DMP1: variants seen among roughly 807,000 people sequenced by gnomAD.
The protein encoded by DMP1 is dentin matrix protein 1.
In DMP1, 20 loss-of-function variants were observed where a neutral mutation model predicts 14.6. The observed-to-expected ratio is 1.37, with a 90% CI of 0.96 to 1.99. The LOEUF (loss-of-function observed/expected upper bound fraction) is 1.99, where lower values mean the gene tolerates loss of function less well. Among genes scored for constraint, DMP1 ranks in the 30% most tolerant of loss-of-function variants. DMP1 has a pLI of 0.00. For synonymous variants in DMP1, 197 were observed against 215.3 expected (o/e 0.91, Z 0.75); for missense variants, 567 against 620.5 (o/e 0.91, Z 0.92).
chr4:87,662,617 G>C lies in DMP1; in HGVS notation c.839G>C (p.Ser280Thr), dbSNP rs941952368. 6.2e-7 allele frequency: 1 copy of C among 1,614,162 alleles called. No homozygotes were observed. Among genetic ancestry groups the C allele is most frequent in the South Asian group, 1.1e-5 (1 of 91,078 alleles). ...KSRISEEDDR[S>T]ELDDNNTMEE... ...CGCATCTCAGAGGAAGATGACAGAA[G>C]CGAGCTTGATGACAACAACACAATG... Residue 280 changes from serine to threonine, a missense_variant, in exon 6 of 6, where the codon AGC becomes ACC. Coordinates refer to ENST00000339673, the MANE Select transcript of DMP1 (RefSeq NM_004407.4).
At chr4:87,659,104 T>C (rs1480093504) in intron 3 of DMP1, 116 bp from the exon 4 acceptor site, 14 of 1,051,042 alleles carry the variant, frequency 1.3e-5, no homozygotes, top group Non-Finnish European at 2.0e-5. Flanking sequence ...CTCATGTAAA[T>C]GTAAGATCTC....
chr4:87,656,712 C>T (rs559222197), intron 2 of DMP1, among the ~76,000 whole-genome samples, 166 bp downstream of exon 2: 18 of 152,138 alleles, frequency 1.2e-4, no homozygotes, highest in Non-Finnish European at 2.4e-4. Flanking sequence ...GTTTTTTATT[C>T]TGTTCAGTTG....
In DMP1 at chr4:87,663,181, C is replaced by T. The variant is rs769707653; in HGVS notation, c.1403C>T (p.Ser468Phe). The T allele has an allele frequency of 2.5e-6, 4 of 1,614,142 alleles. No individual in the cohort carries two copies. The South Asian group carries it at 4.4e-5, about 18-fold the overall frequency. Residue 468 changes from serine (S) to phenylalanine (F), a missense_variant, in exon 6 of 6, where the codon TCC becomes TTC. Physicochemically the swap from Ser to Phe is radical, Grantham distance 155. Coordinates refer to ENST00000339673, the MANE Select transcript of DMP1 (RefSeq NM_004407.4). ...AGCAGATCCAAAGAAGATAGCAACTCCACGGAGAGCAAATCAAGCAGTGAG... is the reference window on the plus strand; with the variant it reads ...AGCAGATCCAAAGAAGATAGCAACTTCACGGAGAGCAAATCAAGCAGTGAG... Reference protein sequence around the residue: ...DSSRSKEDSNSTESKSSSEED... With the variant: ...DSSRSKEDSNFTESKSSSEED...
chr4:87,661,647 G>T (rs903583573), intron 5 of DMP1, among the ~76,000 whole-genome samples: 8 of 142,946 alleles, frequency 5.6e-5, no homozygotes, highest in African/African-American at 1.6e-4. Context: ...CAGCCCAAGA[G>T]TTTTTTTTTT....
intron 1 of DMP1, among the ~76,000 whole-genome samples, chr4:87,651,151 G>A (rs937399047): frequency 2.0e-5 from 3 of 152,104 alleles, no homozygotes; most frequent in East Asian, 3.9e-4. Flanking sequence ...AGTAACTTGT[G>A]GTTAACCATA....
chr4:87,662,454 G>C lies in DMP1; in HGVS notation c.676G>C (p.Glu226Gln), dbSNP rs35935935. The change falls in exon 6 of 6, where the codon GAA becomes CAA. Residue 226 changes from glutamate to glutamine, a missense_variant. Glu to Gln is a conservative substitution (Grantham distance 29). Coordinates refer to ENST00000339673, the MANE Select transcript of DMP1 (RefSeq NM_004407.4). ...QSDDPESIRS[E>Q]RGNSRMNSAG... ...TGATGACCCAGAGAGCATCAGGAGT[G>C]AAAGGGGAAACTCCAGAATGAACAG... The C allele has an allele frequency of 2.6e-5, 42 of 1,614,074 alleles. No homozygotes were observed. The highest frequency in any genetic ancestry group is 1.1e-5 in the Non-Finnish European group (13 of 1,180,042).
intron 5 of DMP1, 76 bp from the exon 6 acceptor site, chr4:87,661,886 A>C: frequency 6.2e-7 from 1 of 1,612,638 alleles, no homozygotes. Context: ...AAGCAGAAAG[A>C]CTAGAAAGGC....
chr4:87,663,381 C>A lies in DMP1; in HGVS notation c.*61C>A. On this transcript the variant is annotated 3_prime_UTR_variant, in exon 6 of 6. Coordinates refer to ENST00000339673, the MANE Select transcript of DMP1 (RefSeq NM_004407.4). ...GAGTCTTAGGGACTTGAAAATGTATCATGATAACTATAATTTATTGATGTT... is the reference window on the plus strand; with the variant it reads ...GAGTCTTAGGGACTTGAAAATGTATAATGATAACTATAATTTATTGATGTT... 6.2e-7 allele frequency: 1 copy of A among 1,609,882 alleles called. No homozygotes were observed. The highest frequency in any genetic ancestry group is 1.1e-5 in the South Asian group (1 of 90,738).
chr4:87,663,196 C>A lies in DMP1; in HGVS notation c.1418C>A (p.Ser473Ter), dbSNP rs761192633. 6.2e-7 allele frequency: 1 copy of A among 1,614,182 alleles called. No homozygotes were observed. Among genetic ancestry groups the A allele is most frequent in the Non-Finnish European group, 8.5e-7 (1 of 1,180,044 alleles). ...GATAGCAACTCCACGGAGAGCAAAT[C>A]AAGCAGTGAGGAAGATGGCCAGTTG... ...KEDSNSTESK[S>*]SSEEDGQLKN... Residue 473 changes from serine to a stop codon, truncating the protein, a stop_gained, in exon 6 of 6, where the codon TCA becomes TAA. Coordinates refer to ENST00000339673, the MANE Select transcript of DMP1 (RefSeq NM_004407.4). LOFTEE classifies it high-confidence loss of function.
rs146295699 is a variant in DMP1 at position 87,658,902 on chromosome 4, A to G, written c.103-318A>G. 3,995 of 344,318 alleles carry G rather than the reference A, an allele frequency of 0.012. 45 individuals are homozygous for G. The highest frequency in any genetic ancestry group is 0.031 in the Middle Eastern group (34 of 1,082). The allele number at this position is 344,318 out of a possible 1,614,324, so 21.3% of individuals were successfully genotyped here. ...ACTTAAATCTGGATTCTGAGTTTCA[A>G]TGCTGCTTTTCCTGTGTTACGTTTC... On this transcript the variant is annotated intron_variant, in intron 3 of 5. Transcript: ENST00000339673.
At chr4:87,659,556 G>A (rs764956224) in intron 5 of DMP1, 78 bp downstream of exon 5, 11 of 1,326,960 alleles carry the variant, frequency 8.3e-6, no homozygotes, top group South Asian at 1.2e-5. Flanking sequence ...ATTACCTGGC[G>A]ACAGTTCTAA....
chr4:87,663,002 C>T lies in DMP1; in HGVS notation c.1224C>T (p.Ser408=). ...ESREEQADSE[S]SESLNFSEES... ...GAGAGGAGCAAGCAGACAGCGAATC[C>T]AGTGAGAGCCTCAACTTCTCAGAGG... is the stretch of plus-strand genomic sequence containing the variant. The change falls in exon 6 of 6, where the codon TCC becomes TCT. Residue 408 remains serine (S), a synonymous_variant. Transcript: ENST00000339673. 6.2e-7 allele frequency: 1 copy of T among 1,614,168 alleles called. No individual in the cohort carries two copies. The highest frequency in any genetic ancestry group is 8.5e-7 in the Non-Finnish European group (1 of 1,180,028).
intron 3 of DMP1, among the ~76,000 whole-genome samples, chr4:87,658,274 A>T (rs1560491720): frequency 6.6e-6 from 1 of 152,216 alleles, no homozygotes; most frequent in Non-Finnish European, 1.5e-5. Flanking sequence ...CACGTTGAAG[A>T]CATGTCAATA....
chr4:87,661,580 C>T lies in DMP1; in HGVS notation c.184-382C>T, dbSNP rs182267743. ...TTCACCATGTTGGCCAAGATGGTCT[C>T]GATCTCTTGACCTCGGCCTCCTAAA... On this transcript the variant is annotated intron_variant, in intron 5 of 5. Transcript: ENST00000339673. Among the ~76,000 whole-genome samples the T allele has an allele frequency of 4.6e-5, 7 of 150,808 alleles. No individual in the cohort carries two copies. The East Asian group carries it at 1.2e-3, about 25-fold the overall frequency.
At chr4:87,653,415 A>AATATATATATATATAT in intron 1 of DMP1, among the ~76,000 whole-genome samples, 1 of 112,208 alleles carries the variant, frequency 8.9e-6, no homozygotes, top group Non-Finnish European at 1.8e-5. Flanking sequence ...ATATATATAT[A>AATATATATATATATAT]TATATATATA....
intron 1 of DMP1, among the ~76,000 whole-genome samples, chr4:87,653,623 T>C (rs1320313261): frequency 6.6e-6 from 1 of 151,570 alleles, no homozygotes; most frequent in Non-Finnish European, 1.5e-5. Context: ...AGATCAAGTG[T>C]TAAAATCTCT....
chr4:87,652,709 C>T (rs1434041039), intron 1 of DMP1, among the ~76,000 whole-genome samples: 2 of 152,156 alleles, frequency 1.3e-5, no homozygotes, highest in South Asian at 2.1e-4. Context: ...TGCACAATGG[C>T]ATCCCCAGTT....
chr4:87,660,409 C>T (rs1369699899), intron 5 of DMP1, among the ~76,000 whole-genome samples: 2 of 152,044 alleles, frequency 1.3e-5, no homozygotes, highest in Middle Eastern at 3.2e-3. Flanking sequence ...GTTGGGTTAA[C>T]GAGGTATGGC....
chr4:87,654,811 C>A (rs1328206084), intron 1 of DMP1, among the ~76,000 whole-genome samples: 1 of 152,184 alleles, frequency 6.6e-6, no homozygotes. Context: ...CTAGAGGAAG[C>A]TGTCAGACAT....
Sources: gnomAD v4.1 joint callset for allele counts (sites outside exome capture counted in the v4.1 genomes callset) on GRCh38, gnomAD v4.1.1 for gene constraint, MANE v1.5 for transcripts, NCBI Gene and HGNC (gene_info 2026-07-23, HGNC 2026-07-21) for gene names.